The following MRPS5 variants were observed in gnomAD, a reference collection of about 807,000 sequenced individuals.
The protein encoded by MRPS5 is mitochondrial ribosomal protein S5, also known as small ribosomal subunit protein uS5m.
Under a neutral mutation model 51.9 loss-of-function variants are expected in MRPS5, and 27 were observed. That is an observed-to-expected ratio of 0.52 (90% CI 0.38 to 0.72). The LOEUF (loss-of-function observed/expected upper bound fraction) is 0.72. Among genes scored for constraint, MRPS5 ranks in the 30% least tolerant of loss-of-function variants. MRPS5 has a pLI of 0.00. For missense variants in MRPS5, 570 were observed against 545.7 expected (o/e 1.04, Z -0.44); for synonymous variants, 196 against 193.2 (o/e 1.01, Z -0.12).
chr2:95,098,975 G>A (rs1675714407), intron 10 of MRPS5, among the ~76,000 whole-genome samples: 1 of 147,670 alleles, frequency 6.8e-6, no homozygotes, highest in Non-Finnish European at 1.5e-5. Context: ...CTGGACTGCA[G>A]TGGTGATATC....
chr2:95,101,734 A>C lies in MRPS5; in HGVS notation c.764-11T>G. The C allele has an allele frequency of 6.3e-7, 1 of 1,590,358 alleles. No individual in the cohort carries two copies. Among genetic ancestry groups the C allele is most frequent in the Non-Finnish European group, 8.5e-7 (1 of 1,172,428 alleles). ...TCCCAATAGAAAAACCTTTAAACAAAAAAGCAAAAATAAGAAAAGAGACAG... is the reference window on the plus strand; with the variant it reads ...TCCCAATAGAAAAACCTTTAAACAACAAAGCAAAAATAAGAAAAGAGACAG... On this transcript the variant is annotated splice_polypyrimidine_tract_variant and intron_variant, in intron 7 of 11. Coordinates refer to ENST00000272418, the MANE Select transcript of MRPS5 (RefSeq NM_031902.5).
rs188283430 is a variant in MRPS5 at position 95,112,911 on chromosome 2, G to A, written c.277+2155C>T. On this transcript the variant is annotated intron_variant, in intron 3 of 11. Transcript: ENST00000272418. ...TCCCAGCTACTTGGGAGGCTGAGGC[G>A]GGAGAATGGCATAAACCCAGGAGGT... is the stretch of plus-strand genomic sequence containing the variant. 7.9e-5 allele frequency among the ~76,000 whole-genome samples: 12 copies of A among 152,004 alleles called. No individual in the cohort carries two copies. The East Asian group carries it at 1.9e-3, about 25-fold the overall frequency.
chr2:95,090,788 G>A (rs1045449342), intron 10 of MRPS5: 6 of 398,632 alleles, frequency 1.5e-5, no homozygotes, highest in African/African-American at 1.2e-4. Context: ...GATTGTTATT[G>A]AGATTAATAA....
chr2:95,117,956 GA>G lies in MRPS5; in HGVS notation c.59-12del, dbSNP rs758302629. The G allele has an allele frequency of 4.5e-3, 6,035 of 1,342,008 alleles. No individual in the cohort carries two copies. The highest frequency in any genetic ancestry group is 5.5e-3 in the South Asian group (373 of 67,258). 83.1% of individuals were successfully genotyped at this position (1,342,008 alleles called of 1,614,324 possible). On this transcript the variant is annotated splice_polypyrimidine_tract_variant and intron_variant, in intron 1 of 11. Coordinates refer to ENST00000272418, the MANE Select transcript of MRPS5 (RefSeq NM_031902.5). ...TCCCCAATAAATGACCTGCAAATTGGAAAAAAAAAAATTTAAGATACATTTC... is the reference window on the plus strand; with the variant it reads ...TCCCCAATAAATGACCTGCAAATTGGAAAAAAAAAATTTAAGATACATTTC...
intron 4 of MRPS5, among the ~76,000 whole-genome samples, chr2:95,108,741 G>A (rs1392838654): frequency 1.3e-5 from 2 of 152,128 alleles, no homozygotes; most frequent in African/African-American, 4.8e-5. Context: ...TCCAGCATAG[G>A]AAACACTCTG....
chr2:95,091,161 T>C (rs1242105328), intron 10 of MRPS5: 3 of 153,050 alleles, frequency 2.0e-5, no homozygotes, highest in Non-Finnish European at 4.4e-5. Flanking sequence ...AAGAGCACCA[T>C]GGCCTATTCA....
chr2:95,111,183 C>T (rs1396790972), intron 3 of MRPS5, among the ~76,000 whole-genome samples: 2 of 152,124 alleles, frequency 1.3e-5, no homozygotes, highest in African/African-American at 4.8e-5. Context: ...CATCCCTGAC[C>T]AGAACAAAGG....
chr2:95,097,219 G>A (rs1675653059), intron 10 of MRPS5, among the ~76,000 whole-genome samples: 1 of 152,222 alleles, frequency 6.6e-6, no homozygotes, highest in African/African-American at 2.4e-5. Context: ...AACATTCCAT[G>A]CTCATGGATA....
chr2:95,111,269 C>T (rs1228382994), intron 3 of MRPS5, among the ~76,000 whole-genome samples: 3 of 152,154 alleles, frequency 2.0e-5, no homozygotes, highest in Non-Finnish European at 4.4e-5. Context: ...CAACCTCCAA[C>T]CAAACTCTCA....
chr2:95,117,379 A>C (rs1183666870), intron 2 of MRPS5, among the ~76,000 whole-genome samples: 5 of 151,718 alleles, frequency 3.3e-5, no homozygotes, highest in African/African-American at 1.2e-4. Flanking sequence ...TGTTGTAGGA[A>C]AAAGAAAATG....
At chr2:95,100,000 TCTGC>T (rs1393871289) in intron 10 of MRPS5, among the ~76,000 whole-genome samples, 1 of 152,124 alleles carries the variant, frequency 6.6e-6, no homozygotes, top group East Asian at 1.9e-4. Context: ...GACCCTGAAC[TCTGC>T]CTGCCTGCCT....
At chr2:95,098,996 G>C (rs1433220537) in intron 10 of MRPS5, among the ~76,000 whole-genome samples, 1 of 147,212 alleles carries the variant, frequency 6.8e-6, no homozygotes, top group African/African-American at 2.5e-5. Context: ...TCGGCTCACT[G>C]CAAGTTCCAC....
At chr2:95,090,354 A>G in intron 11 of MRPS5, 32 bp downstream of exon 11, 2 of 1,610,482 alleles carry the variant, frequency 1.2e-6, no homozygotes, top group Non-Finnish European at 8.5e-7. Context: ...TACAAACTAG[A>G]ACCTCTGTTT....
At chr2:95,097,699 A>G (rs1402883087) in intron 10 of MRPS5, among the ~76,000 whole-genome samples, 1 of 152,232 alleles carries the variant, frequency 6.6e-6, no homozygotes, top group African/African-American at 2.4e-5. Context: ...AAATTAATTC[A>G]AGATGGATTA....
intron 10 of MRPS5, chr2:95,093,363 C>G (rs1030529391): frequency 5.9e-5 from 9 of 152,252 alleles, no homozygotes; most frequent in Non-Finnish European, 1.3e-4. Context: ...GTGGTTCTCC[C>G]AGCACAGTGT....
Position 95,086,851 on chromosome 2 carries a change from T to C in MRPS5, c.*506A>G, listed in dbSNP as rs1675304725. On this transcript the variant is annotated 3_prime_UTR_variant, in exon 12 of 12. Coordinates refer to ENST00000272418, the MANE Select transcript of MRPS5 (RefSeq NM_031902.5). Reference sequence around the variant, plus strand: ...TCATCAGCCATCAGGGAAATACAAGTCAAAATTGCAATGGTATACAATTAA... The same window carrying C: ...TCATCAGCCATCAGGGAAATACAAGCCAAAATTGCAATGGTATACAATTAA... Among the ~76,000 whole-genome samples the C allele has an allele frequency of 6.6e-6, 1 of 152,118 alleles. No individual in the cohort carries two copies.
intron 3 of MRPS5, among the ~76,000 whole-genome samples, chr2:95,113,248 G>A (rs1176907212): frequency 4.6e-5 from 7 of 151,558 alleles, no homozygotes; most frequent in Admixed American, 2.0e-4. Flanking sequence ...AGGCCGAGGC[G>A]GGTGGATCAC....
At chr2:95,109,845 T>C (rs1010764570) in intron 4 of MRPS5, 71 bp downstream of exon 4, 263 of 1,533,292 alleles carry the variant, frequency 1.7e-4, no homozygotes, top group Non-Finnish European at 2.3e-4. Flanking sequence ...GCTTCTAGTT[T>C]GTAAAATATC....
chr2:95,116,541 A>G (rs1481268253), intron 2 of MRPS5, among the ~76,000 whole-genome samples: 3 of 152,266 alleles, frequency 2.0e-5, no homozygotes, highest in Non-Finnish European at 4.4e-5. Flanking sequence ...TATAATTTTT[A>G]TAACAGGAGA....
Sources: allele counts gnomAD v4.1 joint callset (sites outside exome capture counted in the v4.1 genomes callset), GRCh38; gene constraint gnomAD v4.1.1; transcripts MANE v1.5; gene names NCBI Gene and HGNC (gene_info 2026-07-23, HGNC 2026-07-21).